GPC6: variants seen among roughly 807,000 people sequenced by gnomAD.
GPC6 encodes glypican-6.
Under a neutral mutation model 55.2 loss-of-function variants are expected in GPC6, and 14 were observed. The ratio of observed to expected loss-of-function variants is 0.25; its 90% CI spans 0.17 to 0.40. The LOEUF is 0.40. GPC6 is among the 10% of genes least tolerant of loss of function. The pLI is 1.00. For missense variants in GPC6, 641 were observed against 708.5 expected, an observed-to-expected ratio of 0.90 and a Z score of 1.08; for synonymous variants, 278 against 259.6, an observed-to-expected ratio of 1.07 and a Z score of -0.68.
At chr13:93,670,342 C>T (rs950039296) in intron 2 of GPC6, among the ~76,000 whole-genome samples, 1 of 152,136 alleles carries the variant, frequency 6.6e-6, no homozygotes, top group Admixed American at 6.6e-5. Context: ...TCTTAGTTAG[C>T]TTGGCACAGG....
intron 3 of GPC6, among the ~76,000 whole-genome samples, chr13:93,916,810 G>A (rs1025180420): frequency 6.6e-6 from 1 of 152,052 alleles, no homozygotes; most frequent in African/African-American, 2.4e-5. Context: ...GCATGGGGGA[G>A]GGGAGGGGTG....
At chr13:94,066,456 C>T (rs904829581) in intron 4 of GPC6, among the ~76,000 whole-genome samples, 1 of 152,006 alleles carries the variant, frequency 6.6e-6, no homozygotes, top group African/African-American at 2.4e-5. Context: ...CAGTTTTTCC[C>T]CACTACAGAA....
At chr13:93,378,333 C>T (rs1369827416) in intron 1 of GPC6, among the ~76,000 whole-genome samples, 1 of 152,180 alleles carries the variant, frequency 6.6e-6, no homozygotes, top group African/African-American at 2.4e-5. Flanking sequence ...CCATTGTTTG[C>T]TCCCTGCGTT....
At chr13:93,491,896 C>T (rs1880025305) in intron 1 of GPC6, among the ~76,000 whole-genome samples, 1 of 106,148 alleles carries the variant, frequency 9.4e-6, no homozygotes, top group Non-Finnish European at 2.0e-5. Flanking sequence ...GTTTTGGTAC[C>T]AGTACCATGC....
At chr13:94,011,619 A>G (rs982229852) in intron 3 of GPC6, among the ~76,000 whole-genome samples, 4 of 152,178 alleles carry the variant, frequency 2.6e-5, no homozygotes, top group Admixed American at 6.5e-5. Context: ...ACATTTAATC[A>G]GTCAAGAGTC....
intron 2 of GPC6, among the ~76,000 whole-genome samples, chr13:93,709,235 A>G (rs150150882): frequency 6.6e-6 from 1 of 151,924 alleles, no homozygotes; most frequent in East Asian, 2.0e-4. Context: ...TCATGGATAG[A>G]TGAAATTTAA....
chr13:93,537,450 CATCA>C (rs1178622415), intron 1 of GPC6, among the ~76,000 whole-genome samples: 5 of 152,204 alleles, frequency 3.3e-5, no homozygotes, highest in South Asian at 4.1e-4. Flanking sequence ...TCTTTGTGGA[CATCA>C]ATCAGTTATC....
At chr13:93,494,738 G>T (rs1479948341) in intron 1 of GPC6, among the ~76,000 whole-genome samples, 5 of 151,392 alleles carry the variant, frequency 3.3e-5, no homozygotes, top group African/African-American at 1.2e-4. Flanking sequence ...AAATCTCTCA[G>T]CATTTGCTTG....
chr13:93,975,963 C>T (rs982037776), intron 3 of GPC6, among the ~76,000 whole-genome samples: 1 of 152,056 alleles, frequency 6.6e-6, no homozygotes, highest in African/African-American at 2.4e-5. Flanking sequence ...TATTCCTTTC[C>T]AGATCTGACT....
rs151241958 is a variant in GPC6 at position 94,042,928 on chromosome 13, T to C, written c.877+15034T>C. On this transcript the variant is annotated intron_variant, in intron 4 of 8. Transcript: ENST00000377047. ...CTCTCCCAACTTCTTATCTGTTTAG[T>C]TATGTATTTATATCGGTATGAGCTC... is the stretch of plus-strand genomic sequence containing the variant. Among the ~76,000 whole-genome samples, 33 of 151,990 alleles carry C rather than the reference T, an allele frequency of 2.2e-4. No individual in the cohort carries two copies. In the East Asian group the frequency reaches 5.8e-3, roughly 27 times the overall value.
At chr13:93,921,448 A>T (rs1011219130) in intron 3 of GPC6, among the ~76,000 whole-genome samples, 2 of 152,144 alleles carry the variant, frequency 1.3e-5, no homozygotes, top group Admixed American at 6.5e-5. Flanking sequence ...GAGGATAGTA[A>T]ATGTAGGGGA....
At chr13:93,580,793 A>G (rs1049995451) in intron 2 of GPC6, among the ~76,000 whole-genome samples, 26 of 152,272 alleles carry the variant, frequency 1.7e-4, no homozygotes, top group East Asian at 7.7e-4. Flanking sequence ...TCTCCTATTC[A>G]TGGTCAAGTC....
At chr13:93,954,644 A>T (rs1475557142) in intron 3 of GPC6, among the ~76,000 whole-genome samples, 4 of 152,210 alleles carry the variant, frequency 2.6e-5, no homozygotes, top group Non-Finnish European at 5.9e-5. Flanking sequence ...GAGCACACAG[A>T]GAAGCATGTC....
Position 93,830,468 on chromosome 13 carries a change from A to T in GPC6, c.634A>T (p.Thr212Ser), listed in dbSNP as rs1043287978. The T allele has an allele frequency of 3.1e-6, 5 of 1,613,786 alleles. No individual in the cohort carries two copies. In the Admixed American group the frequency reaches 5.0e-5, roughly 16 times the overall value. The change falls in exon 3 of 9, where the codon ACC becomes TCC. Residue 212 changes from threonine (T) to serine (S), a missense_variant. Coordinates refer to ENST00000377047, the MANE Select transcript of GPC6 (RefSeq NM_005708.5). ...DVPRKLKIQV[T>S]RAFIAARTFV... ...GCCCCGGAAACTGAAGATTCAGGTTACCCGCGCCTTCATTGCTGCCAGGAC... is the reference window on the plus strand; with the variant it reads ...GCCCCGGAAACTGAAGATTCAGGTTTCCCGCGCCTTCATTGCTGCCAGGAC...
intron 8 of GPC6, among the ~76,000 whole-genome samples, chr13:94,402,358 A>G (rs1199638312): frequency 6.6e-6 from 1 of 152,264 alleles, no homozygotes; most frequent in East Asian, 1.9e-4. Context: ...TCTAAGGCCA[A>G]CATGGTAGGT....
intron 2 of GPC6, among the ~76,000 whole-genome samples, chr13:93,620,229 T>C (rs1878892856): frequency 6.6e-6 from 1 of 152,198 alleles, no homozygotes; most frequent in South Asian, 2.1e-4. Flanking sequence ...TTCAACAGAA[T>C]AAAAACCAAC....
chr13:93,524,204 G>A (rs1004574177), intron 1 of GPC6, among the ~76,000 whole-genome samples: 1 of 151,786 alleles, frequency 6.6e-6, no homozygotes, highest in Admixed American at 6.6e-5. Flanking sequence ...TGCACTAAAG[G>A]GTAACTTTGA....
At chr13:93,576,493 G>A (rs9561401) in intron 2 of GPC6, among the ~76,000 whole-genome samples, 30,802 of 151,914 alleles carry the variant, frequency 0.2, 5,354 homozygotes, top group African/African-American at 0.44. Context: ...GTGTACTCTG[G>A]TGATATCTTC....
intron 3 of GPC6, among the ~76,000 whole-genome samples, chr13:93,916,222 T>G (rs982993537): frequency 6.6e-6 from 1 of 152,136 alleles, no homozygotes; most frequent in Non-Finnish European, 1.5e-5. Context: ...GGCTTGTATC[T>G]CTGAAATAAA....
Sources: allele counts gnomAD v4.1 joint callset (sites outside exome capture counted in the v4.1 genomes callset), GRCh38; gene constraint gnomAD v4.1.1; transcripts MANE v1.5; gene names NCBI Gene and HGNC (gene_info 2026-07-23, HGNC 2026-07-21).